HCN1: variants seen among roughly 807,000 people sequenced by gnomAD.
HCN1 encodes the protein potassium/sodium hyperpolarization-activated cyclic nucleotide-gated channel 1.
In HCN1, 13 loss-of-function variants were observed where a neutral mutation model predicts 78.9. That is an observed-to-expected ratio of 0.16 (90% CI 0.11 to 0.26). HCN1 has a LOEUF of 0.26. Ranked by LOEUF, HCN1 falls within the 10% of genes least tolerant of loss-of-function variation. The pLI is 1.00. For missense variants in HCN1, 810 were observed against 1,154.3 expected, an observed-to-expected ratio of 0.70 and a Z score of 4.32; for synonymous variants, 552 against 455.5, an observed-to-expected ratio of 1.21 and a Z score of -2.70.
At chr5:45,679,823 T>C (rs943870229) in intron 1 of HCN1, among the ~76,000 whole-genome samples, 14 of 152,124 alleles carry the variant, frequency 9.2e-5, no homozygotes, top group African/African-American at 3.4e-4. Context: ...CGTAAATGTC[T>C]ATAGCAATGG....
intron 2 of HCN1, among the ~76,000 whole-genome samples, chr5:45,599,679 A>G (rs1415657051): frequency 6.6e-6 from 1 of 152,184 alleles, no homozygotes; most frequent in Admixed American, 6.6e-5. Flanking sequence ...TAGAAAAATA[A>G]TAGTCGAGTT....
intron 2 of HCN1, among the ~76,000 whole-genome samples, chr5:45,479,274 A>G (rs1200684111): frequency 6.6e-6 from 1 of 152,156 alleles, no homozygotes; most frequent in Admixed American, 6.6e-5. Context: ...CAGGGTAAAG[A>G]GAATGGGCTG....
intron 2 of HCN1, among the ~76,000 whole-genome samples, chr5:45,614,010 G>T (rs1744894795): frequency 6.6e-6 from 1 of 152,038 alleles, no homozygotes; most frequent in African/African-American, 2.4e-5. Flanking sequence ...TTAGCCTTAG[G>T]TTTATTCTTG....
intron 5 of HCN1, among the ~76,000 whole-genome samples, chr5:45,313,091 A>G (rs1263977699): frequency 6.6e-6 from 1 of 152,232 alleles, no homozygotes; most frequent in Non-Finnish European, 1.5e-5. Context: ...TTGACCCCCA[A>G]GTAGCCCAAT....
chr5:45,319,337 A>G (rs1200444463), intron 5 of HCN1, among the ~76,000 whole-genome samples: 1 of 151,918 alleles, frequency 6.6e-6, no homozygotes, highest in Non-Finnish European at 1.5e-5. Flanking sequence ...CAGTTGTCCC[A>G]CATCTTTGGC....
intron 2 of HCN1, among the ~76,000 whole-genome samples, chr5:45,628,116 T>C (rs1262729248): frequency 6.6e-6 from 1 of 152,226 alleles, no homozygotes; most frequent in African/African-American, 2.4e-5. Flanking sequence ...GGAACATTGG[T>C]GGCATAAGCA....
At chr5:45,518,982 T>C (rs1394825196) in intron 2 of HCN1, among the ~76,000 whole-genome samples, 1 of 151,614 alleles carries the variant, frequency 6.6e-6, no homozygotes, top group Non-Finnish European at 1.5e-5. Flanking sequence ...CATAAATATA[T>C]AAAATTTAAA....
At chr5:45,634,498 G>C (rs1312197568) in intron 2 of HCN1, among the ~76,000 whole-genome samples, 2 of 151,972 alleles carry the variant, frequency 1.3e-5, no homozygotes, top group Admixed American at 6.6e-5. Flanking sequence ...TCAAGAGAGT[G>C]AATGCATCTA....
intron 2 of HCN1, among the ~76,000 whole-genome samples, chr5:45,520,721 T>A (rs1311662989): frequency 6.6e-6 from 1 of 152,000 alleles, no homozygotes; most frequent in Non-Finnish European, 1.5e-5. Flanking sequence ...ATTTGGTAAG[T>A]ATATATTGAG....
chr5:45,518,736 T>G (rs944872740), intron 2 of HCN1, among the ~76,000 whole-genome samples: 3 of 151,886 alleles, frequency 2.0e-5, no homozygotes, highest in African/African-American at 7.3e-5. Context: ...AAGAATACAG[T>G]TAGATAATGA....
chr5:45,441,554 C>A (rs1048346859), intron 3 of HCN1, among the ~76,000 whole-genome samples: 1 of 152,186 alleles, frequency 6.6e-6, no homozygotes, highest in Non-Finnish European at 1.5e-5. Flanking sequence ...TCTACCAAAT[C>A]TTTTTCAGTC....
chr5:45,264,257 T>C (rs1411880799), intron 7 of HCN1, among the ~76,000 whole-genome samples: 1 of 152,156 alleles, frequency 6.6e-6, no homozygotes, highest in Non-Finnish European at 1.5e-5. Context: ...TTCTGAGTGG[T>C]TTGCAATACA....
chr5:45,307,794 T>C (rs1296532040), intron 5 of HCN1, among the ~76,000 whole-genome samples: 5 of 152,106 alleles, frequency 3.3e-5, no homozygotes, highest in South Asian at 4.1e-4. Context: ...ATCTGAGTAA[T>C]GTTCGGACTT....
At chr5:45,416,738 A>G (rs1579879778) in intron 3 of HCN1, among the ~76,000 whole-genome samples, 2 of 152,100 alleles carry the variant, frequency 1.3e-5, no homozygotes, top group Middle Eastern at 6.8e-3. Flanking sequence ...TAATTGGATA[A>G]GATTGTATTC....
chr5:45,564,695 A>G (rs1338790328), intron 2 of HCN1, among the ~76,000 whole-genome samples: 2 of 152,202 alleles, frequency 1.3e-5, no homozygotes, highest in African/African-American at 4.8e-5. Context: ...AAAGAATTAT[A>G]TTTTACAGAC....
At chr5:45,292,019 C>A (rs1390403408) in intron 6 of HCN1, among the ~76,000 whole-genome samples, 3 of 151,618 alleles carry the variant, frequency 2.0e-5, no homozygotes, top group African/African-American at 7.3e-5. Flanking sequence ...TTGCATGACA[C>A]AAATTTAGAA....
chr5:45,584,076 G>A (rs541301479), intron 2 of HCN1, among the ~76,000 whole-genome samples: 1 of 152,162 alleles, frequency 6.6e-6, no homozygotes, highest in South Asian at 2.1e-4. Flanking sequence ...TCAATTCCTG[G>A]ATATCCTTGT....
chr5:45,526,134 T>A (rs946570804), intron 2 of HCN1, among the ~76,000 whole-genome samples: 1 of 152,014 alleles, frequency 6.6e-6, no homozygotes, highest in East Asian at 1.9e-4. Flanking sequence ...ACCCACTGTG[T>A]GGTAATTTGT....
At position 45,351,333 on chromosome 5, in the gene HCN1, C is replaced by T. The variant is rs200205577; in HGVS notation, c.1377+1767G>A. Among the ~76,000 whole-genome samples, 50 of 139,326 alleles carry T rather than the reference C, an allele frequency of 3.6e-4. 2 individuals are homozygous for T. In the East Asian group the frequency reaches 9.1e-3, roughly 25 times the overall value. The allele number at this position is 139,326 out of a possible 152,430, so 91.4% of individuals were successfully genotyped here. On this transcript the variant is annotated intron_variant, in intron 5 of 7. Coordinates refer to ENST00000303230, the MANE Select transcript of HCN1 (RefSeq NM_021072.4). ...AAAGTGGCTAGCCATATGTAGAAAG[C>T]TGAAACTGGATCCCTTTCTTACACC...
Sources: gnomAD v4.1 joint callset for allele counts (sites outside exome capture counted in the v4.1 genomes callset) on GRCh38, gnomAD v4.1.1 for gene constraint, MANE v1.5 for transcripts, NCBI Gene and HGNC (gene_info 2026-07-23, HGNC 2026-07-21) for gene names.